Variants in ZNF385D observed in about 807,000 individuals in gnomAD.
ZNF385D encodes zinc finger protein 385D.
A neutral mutation model predicts 35.8 loss-of-function variants in ZNF385D; 15 were observed. The ratio of observed to expected loss-of-function variants is 0.42; its 90% CI spans 0.28 to 0.64. ZNF385D has a LOEUF of 0.64. Among genes scored for constraint, ZNF385D ranks in the 30% least tolerant of loss-of-function variants. The pLI is 0.23. For missense variants in ZNF385D, 474 were observed against 494.6 expected (o/e 0.96, Z 0.39); for synonymous variants, 212 against 186.8 (o/e 1.13, Z -1.10).
chr3:22,126,536 C>CT (rs1703440985), intron 3 of ZNF385D, among the ~76,000 whole-genome samples: 1 of 151,656 alleles, frequency 6.6e-6, no homozygotes, highest in Non-Finnish European at 1.5e-5. Flanking sequence ...CCATTGTGGT[C>CT]GAGAAGATAT....
intron 3 of ZNF385D, among the ~76,000 whole-genome samples, chr3:22,127,819 T>C (rs1703525954): frequency 6.6e-6 from 1 of 152,178 alleles, no homozygotes; most frequent in Non-Finnish European, 1.5e-5. Context: ...CTTTAACTTT[T>C]TGTTGTTTCT....
chr3:22,291,298 A>T (rs75803911), intron 2 of ZNF385D, among the ~76,000 whole-genome samples: 1 of 152,302 alleles, frequency 6.6e-6, no homozygotes, highest in Non-Finnish European at 1.5e-5. Flanking sequence ...TATTGGAAGG[A>T]AAGATTATAG....
intron 2 of ZNF385D, among the ~76,000 whole-genome samples, chr3:22,318,037 G>A (rs1286048702): frequency 6.6e-6 from 1 of 151,444 alleles, no homozygotes; most frequent in African/African-American, 2.4e-5. Flanking sequence ...CAGCCTGGGC[G>A]ACAGAGTGAG....
chr3:21,979,037 A>G (rs551305171), intron 3 of ZNF385D, among the ~76,000 whole-genome samples: 1 of 152,334 alleles, frequency 6.6e-6, no homozygotes, highest in South Asian at 2.1e-4. Context: ...AAGCCTGCTC[A>G]ATGGACAGGT....
chr3:22,018,371 C>G (rs1346143920), intron 3 of ZNF385D, among the ~76,000 whole-genome samples: 4 of 151,686 alleles, frequency 2.6e-5, no homozygotes, highest in African/African-American at 9.7e-5. Flanking sequence ...TATTAACTTG[C>G]CTTTTATATT....
chr3:22,322,134 A>G (rs1041796596), intron 2 of ZNF385D, among the ~76,000 whole-genome samples: 2 of 152,134 alleles, frequency 1.3e-5, no homozygotes, highest in Admixed American at 6.5e-5. Flanking sequence ...TCACACTTTT[A>G]TATCATATTT....
At chr3:21,889,491 C>G (rs1698728772) in intron 3 of ZNF385D, among the ~76,000 whole-genome samples, 1 of 152,182 alleles carries the variant, frequency 6.6e-6, no homozygotes, top group Non-Finnish European at 1.5e-5. Flanking sequence ...GTGCTCTTTA[C>G]AGAAGCAAGA....
At chr3:22,234,136 T>C (rs1251601444) in intron 2 of ZNF385D, among the ~76,000 whole-genome samples, 2 of 152,108 alleles carry the variant, frequency 1.3e-5, no homozygotes, top group Non-Finnish European at 2.9e-5. Context: ...GGTAAGTAAA[T>C]GCATTATTTG....
intron 3 of ZNF385D, among the ~76,000 whole-genome samples, chr3:21,809,568 A>G (rs186022972): frequency 8.3e-4 from 126 of 151,382 alleles, no homozygotes; most frequent in Non-Finnish European, 1.5e-3. Context: ...CCTACAACAA[A>G]CCCTATAATC....
At chr3:21,458,024 C>G (rs536495345) in intron 4 of ZNF385D, among the ~76,000 whole-genome samples, 4 of 152,032 alleles carry the variant, frequency 2.6e-5, no homozygotes, top group African/African-American at 2.4e-5. Flanking sequence ...TCCTGAGATG[C>G]TTAAGAGAAT....
At chr3:22,148,996 A>T (rs182540261) in intron 3 of ZNF385D, among the ~76,000 whole-genome samples, 37 of 152,240 alleles carry the variant, frequency 2.4e-4, no homozygotes, top group Non-Finnish European at 1.5e-5. Context: ...TTAGAGCTGC[A>T]AAAACCAGTT....
At chr3:21,473,910 T>G (rs1704061544) in intron 4 of ZNF385D, among the ~76,000 whole-genome samples, 1 of 152,104 alleles carries the variant, frequency 6.6e-6, no homozygotes, top group Non-Finnish European at 1.5e-5. Flanking sequence ...AAACTATAAT[T>G]TATAAGCCTA....
intron 3 of ZNF385D, among the ~76,000 whole-genome samples, chr3:22,109,703 A>G (rs979967068): frequency 2.0e-5 from 3 of 152,176 alleles, no homozygotes; most frequent in Non-Finnish European, 4.4e-5. Flanking sequence ...TATATTTAGG[A>G]TAGTTCAACT....
In ZNF385D at chr3:21,841,877, TTCTC is replaced by T. The variant is rs1202585184; in HGVS notation, c.326-176853_326-176850del. 4.0e-5 allele frequency among the ~76,000 whole-genome samples: 6 copies of T among 151,720 alleles called. No individual in the cohort carries two copies. In the East Asian group the frequency reaches 5.9e-4, roughly 15 times the overall value. On this transcript the variant is annotated intron_variant, in intron 3 of 5. Coordinates refer to the ZNF385D transcript ENST00000494108. Reference sequence around the variant, plus strand: ...TTTATACTTTTTTTGTTTCTATTCTTTCTCTAACAAGTCACGCCTCAGAAATACA... The same window carrying T: ...TTTATACTTTTTTTGTTTCTATTCTTTAACAAGTCACGCCTCAGAAATACA...
chr3:21,794,543 G>A (rs79312334), intron 3 of ZNF385D, among the ~76,000 whole-genome samples: 1 of 152,250 alleles, frequency 6.6e-6, no homozygotes, highest in East Asian at 1.9e-4. Flanking sequence ...GATGCAAGGA[G>A]ATTTGATATG....
At chr3:22,234,930 C>T (rs772677329) in intron 2 of ZNF385D, among the ~76,000 whole-genome samples, 1 of 151,882 alleles carries the variant, frequency 6.6e-6, no homozygotes, top group Non-Finnish European at 1.5e-5. Context: ...TTTAGCCAGG[C>T]AAAATATCTT....
intron 3 of ZNF385D, among the ~76,000 whole-genome samples, chr3:22,129,524 G>A (rs1703649145): frequency 6.6e-6 from 1 of 151,988 alleles, no homozygotes. Flanking sequence ...CTGGGGTTGA[G>A]CTAATACTCA....
chr3:21,681,297 G>T (rs1167052777), intron 1 of ZNF385D, among the ~76,000 whole-genome samples: 1 of 2,022 alleles, frequency 4.9e-4, no homozygotes. Flanking sequence ...TATTCCATCA[G>T]TAAAAAAAAA....
At chr3:22,281,352 G>C (rs904539449) in intron 2 of ZNF385D, among the ~76,000 whole-genome samples, 2 of 152,088 alleles carry the variant, frequency 1.3e-5, no homozygotes, top group African/African-American at 4.8e-5. Context: ...TCCCCACTCA[G>C]TATAATGTGG....
Sources: gnomAD v4.1 joint callset for allele counts (sites outside exome capture counted in the v4.1 genomes callset) on GRCh38, gnomAD v4.1.1 for gene constraint, MANE v1.5 for transcripts, NCBI Gene and HGNC (gene_info 2026-07-23, HGNC 2026-07-21) for gene names.